Variants in MTDH observed in about 807,000 individuals in gnomAD.
The protein encoded by MTDH is metadherin.
MTDH carries 34 observed loss-of-function variants against 72.7 expected under a neutral mutation model. The ratio of observed to expected loss-of-function variants is 0.47; its 90% CI spans 0.36 to 0.62. MTDH has a LOEUF of 0.62. Ranked by LOEUF, MTDH falls within the 20% of genes least tolerant of loss-of-function variation. The pLI is 0.00. For synonymous variants in MTDH, 266 were observed against 268.9 expected, an observed-to-expected ratio of 0.99 and a Z score of 0.10; for missense variants, 677 against 699.4, an observed-to-expected ratio of 0.97 and a Z score of 0.36.
At chr8:97,688,895 CT>C in intron 4 of MTDH, 142 bp from the exon 5 acceptor site, 1 of 379,778 alleles carries the variant, frequency 2.6e-6, no homozygotes, top group East Asian at 4.2e-5. Context: ...GTAAAATTGA[CT>C]TTTTTCCAGT....
chr8:97,666,053 AG>A (rs1262203367), intron 2 of MTDH, among the ~76,000 whole-genome samples: 2 of 150,638 alleles, frequency 1.3e-5, no homozygotes, highest in Non-Finnish European at 2.9e-5. Context: ...GCCTGAACCC[AG>A]GAGGCGGAGC....
intron 6 of MTDH, among the ~76,000 whole-genome samples, chr8:97,695,404 G>A (rs1336480165): frequency 6.6e-6 from 1 of 152,070 alleles, no homozygotes; most frequent in East Asian, 1.9e-4. Context: ...GAGCCACTCC[G>A]CCCAGCCTAC....
chr8:97,644,722 C>T lies in MTDH; in HGVS notation c.216C>T (p.Ala72=). The T allele has an allele frequency of 1.3e-6, 2 of 1,584,942 alleles. No homozygotes were observed. Among genetic ancestry groups the T allele is most frequent in the South Asian group, 2.3e-5 (2 of 88,640 alleles). ...TGTTTCTGCTGGGCTACGGCTGGGC[C>T]GCGGCTTGCGCCGGCGCCCGCAAAA... ...LLLFLLGYGW[A]AACAGARKKR... is the part of the protein sequence containing the mutation. Residue 72 remains alanine, a synonymous_variant, in exon 1 of 12, where the codon GCC becomes GCT. Transcript: ENST00000336273.
At chr8:97,666,727 TCA>T (rs1317220317) in intron 2 of MTDH, among the ~76,000 whole-genome samples, 1 of 152,218 alleles carries the variant, frequency 6.6e-6, no homozygotes, top group African/African-American at 2.4e-5. Context: ...TGAGACAGTC[TCA>T]CTCTGTCGCC....
Position 97,644,454 on chromosome 8 carries a change from C to G in MTDH, c.-53C>G. 1 of 1,522,076 alleles carries G rather than the reference C, an allele frequency of 6.6e-7. No individual in the cohort carries two copies. Among genetic ancestry groups the G allele is most frequent in the African/African-American group, 1.4e-5 (1 of 70,750 alleles). 94.3% of individuals were successfully genotyped at this position (1,522,076 alleles called of 1,614,324 possible). A position where few individuals can be genotyped will look rare whatever the true frequency, so the allele number is the denominator to read the frequency against. ...TTCCTCGCTTCCCTCGACTATTCCA[C>G]TGCGTCTCCGCGCCCCGGCGTCATC... On this transcript the variant is annotated 5_prime_UTR_variant, in exon 1 of 12. Coordinates refer to ENST00000336273, the MANE Select transcript of MTDH (RefSeq NM_178812.4).
chr8:97,709,890 A>G (rs1264198927), intron 8 of MTDH, among the ~76,000 whole-genome samples: 2 of 152,216 alleles, frequency 1.3e-5, no homozygotes, highest in Non-Finnish European at 1.5e-5. Context: ...GGGAGTTAAA[A>G]GTTGTAGAGT....
At chr8:97,690,284 G>T (rs986835164) in intron 5 of MTDH, among the ~76,000 whole-genome samples, 1 of 152,102 alleles carries the variant, frequency 6.6e-6, no homozygotes, top group Non-Finnish European at 1.5e-5. Context: ...GAGCCACTGC[G>T]CCCAGCCTCA....
chr8:97,662,953 G>A (rs1007357979), intron 2 of MTDH, among the ~76,000 whole-genome samples: 2 of 151,804 alleles, frequency 1.3e-5, no homozygotes, highest in Admixed American at 6.6e-5. Flanking sequence ...GGATAGTTTT[G>A]GGAAATAATT....
intron 7 of MTDH, among the ~76,000 whole-genome samples, chr8:97,702,837 C>G (rs1432113215): frequency 6.6e-6 from 1 of 151,994 alleles, no homozygotes; most frequent in African/African-American, 2.4e-5. Context: ...CAAATAAAGA[C>G]TAGCGAAGAG....
intron 9 of MTDH, among the ~76,000 whole-genome samples, chr8:97,716,404 A>AT (rs1390956629): frequency 6.9e-6 from 1 of 145,910 alleles, no homozygotes; most frequent in African/African-American, 2.6e-5. Flanking sequence ...AGAAAAAAAA[A>AT]GTTAGGCCGG....
chr8:97,693,494 C>T (rs746012043), intron 6 of MTDH, among the ~76,000 whole-genome samples: 10 of 152,048 alleles, frequency 6.6e-5, no homozygotes, highest in East Asian at 5.8e-4. Flanking sequence ...TCACCACAAC[C>T]GGCTAATTTT....
chr8:97,652,191 G>A (rs529611059), intron 1 of MTDH, among the ~76,000 whole-genome samples: 4 of 152,154 alleles, frequency 2.6e-5, no homozygotes, highest in Non-Finnish European at 5.9e-5. Context: ...AGTAGCTTTT[G>A]CATTTAAAAT....
chr8:97,682,251 TATATATATATATATATATATA>T (rs1813140897), intron 2 of MTDH, among the ~76,000 whole-genome samples: 1 of 5,798 alleles, frequency 1.7e-4, no homozygotes, highest in Admixed American at 1.7e-3. Context: ...TATATATATA[TATATATATATATATATATATA>T]TATATATATT....
rs1414765196 is a variant in MTDH, at chr8:97,697,161, G to GT, written c.1049-2592dup. On this transcript the variant is annotated intron_variant, in intron 6 of 11. Transcript: ENST00000336273. ...ATATATATATATATATTTTTTTTTTGTGGACCCAGTTTACTAATTTTGTAG... is the reference window on the plus strand; with the variant it reads ...ATATATATATATATATTTTTTTTTTGTTGGACCCAGTTTACTAATTTTGTAG... Among the ~76,000 whole-genome samples the GT allele has an allele frequency of 1.1e-4, 9 of 83,116 alleles. 1 individual carries two copies. Among genetic ancestry groups the GT allele is most frequent in the Non-Finnish European group, 1.8e-4 (9 of 50,022 alleles). 54.5% of individuals were successfully genotyped at this position (83,116 alleles called of 152,430 possible).
In MTDH at chr8:97,729,153, C is replaced by T. The variant is rs2131106005; in HGVS notation, c.*4483C>T. Among the ~76,000 whole-genome samples the T allele has an allele frequency of 6.6e-6, 1 of 150,650 alleles. No individual in the cohort carries two copies. The highest frequency in any genetic ancestry group is 1.9e-4 in the East Asian group (1 of 5,136). On this transcript the variant is annotated 3_prime_UTR_variant, in exon 12 of 12. Coordinates refer to ENST00000336273, the MANE Select transcript of MTDH (RefSeq NM_178812.4). ...TGTTGCCCAGGCTGGCCTTGAAGTC[C>T]AGGGCTTAAGTGATCCTCCTGCCTT...
intron 7 of MTDH, among the ~76,000 whole-genome samples, chr8:97,701,568 G>A (rs1448489616): frequency 6.6e-6 from 1 of 152,118 alleles, no homozygotes; most frequent in Admixed American, 6.6e-5. Flanking sequence ...GGATGTGAAA[G>A]CACTATTTTT....
chr8:97,698,959 G>A (rs527643533), intron 6 of MTDH, among the ~76,000 whole-genome samples: 1 of 151,114 alleles, frequency 6.6e-6, no homozygotes, highest in South Asian at 2.1e-4. Context: ...GGCAACACAG[G>A]GAAGACCCTA....
Position 97,674,909 on chromosome 8 carries a change from C to G in MTDH, c.484-11759C>G, listed in dbSNP as rs531939013. On this transcript the variant is annotated intron_variant, in intron 2 of 11. Transcript: ENST00000336273. The stretch of plus-strand genomic sequence containing the variant: ...CACTGCAACCTTGCCCTCCCGGGCT[C>G]AAGTGATTCTCCCACCTCAGCTTCC... Among the ~76,000 whole-genome samples, 37 of 152,124 alleles carry G rather than the reference C, an allele frequency of 2.4e-4. No individual in the cohort carries two copies. The South Asian group carries it at 7.5e-3, about 31-fold the overall frequency.
intron 9 of MTDH, among the ~76,000 whole-genome samples, chr8:97,715,021 C>G (rs1247299875): frequency 6.6e-6 from 1 of 152,028 alleles, no homozygotes; most frequent in Non-Finnish European, 1.5e-5. Flanking sequence ...GACAGGCTTT[C>G]GCCATGTTAG....
Sources: allele counts gnomAD v4.1 joint callset (sites outside exome capture counted in the v4.1 genomes callset), GRCh38; gene constraint gnomAD v4.1.1; transcripts MANE v1.5; gene names NCBI Gene and HGNC (gene_info 2026-07-23, HGNC 2026-07-21).